THSD7B: variants seen among roughly 807,000 people sequenced by gnomAD.
THSD7B encodes thrombospondin type 1 domain containing 7B.
Under a neutral mutation model 213.6 loss-of-function variants are expected in THSD7B, and 138 were observed. The ratio of observed to expected loss-of-function variants is 0.65; its 90% CI spans 0.56 to 0.74. THSD7B has a LOEUF of 0.74. Among genes scored for constraint, THSD7B ranks in the 30% least tolerant of loss-of-function variants. The pLI, the probability that THSD7B is intolerant of heterozygous loss-of-function variation, is 0.00. For missense variants in THSD7B, 1,931 were observed against 1,991.5 expected (o/e 0.97, Z 0.58); for synonymous variants, 742 against 687.0 (o/e 1.08, Z -1.25).
At chr2:137,247,227 T>C (rs959453586) in intron 10 of THSD7B, among the ~76,000 whole-genome samples, 6 of 152,224 alleles carry the variant, frequency 3.9e-5, no homozygotes, top group Non-Finnish European at 7.3e-5. Flanking sequence ...TAAAGAGCCT[T>C]GCTGCATATT....
At chr2:137,250,818 C>G (rs114533395) in intron 10 of THSD7B, among the ~76,000 whole-genome samples, 1 of 152,208 alleles carries the variant, frequency 6.6e-6, no homozygotes, top group African/African-American at 2.4e-5. Flanking sequence ...TCTGATTTCC[C>G]CTCTGCCTGA....
intron 17 of THSD7B, among the ~76,000 whole-genome samples, chr2:137,581,879 C>G (rs2105246853): frequency 6.6e-6 from 1 of 151,868 alleles, no homozygotes; most frequent in South Asian, 2.1e-4. Flanking sequence ...AGGTGGATCA[C>G]TTGAGGTCAG....
chr2:137,413,330 C>T (rs1686713483), intron 14 of THSD7B, among the ~76,000 whole-genome samples: 2 of 152,092 alleles, frequency 1.3e-5, no homozygotes, highest in African/African-American at 4.8e-5. Flanking sequence ...TTTTATTGAC[C>T]ATCTGCTATG....
intron 15 of THSD7B, among the ~76,000 whole-genome samples, chr2:137,504,791 G>T (rs1679797028): frequency 6.6e-6 from 1 of 152,192 alleles, no homozygotes; most frequent in Non-Finnish European, 1.5e-5. Flanking sequence ...GATCAGGAAA[G>T]CTGCCAAGTA....
At chr2:137,003,594 C>T (rs1686043173) in intron 2 of THSD7B, among the ~76,000 whole-genome samples, 1 of 152,130 alleles carries the variant, frequency 6.6e-6, no homozygotes, top group African/African-American at 2.4e-5. Flanking sequence ...AGAAATGGTT[C>T]CTTCTCTTGT....
intron 14 of THSD7B, among the ~76,000 whole-genome samples, chr2:137,438,297 A>G (rs1285990323): frequency 6.6e-6 from 1 of 152,152 alleles, no homozygotes; most frequent in Non-Finnish European, 1.5e-5. Flanking sequence ...TGCCTTTCTA[A>G]TAGAAACAGC....
rs2602346 is a variant in THSD7B, at chr2:137,286,932, A to C, written c.2500+10906A>C. On this transcript the variant is annotated intron_variant, in intron 12 of 27. Coordinates refer to ENST00000409968, the MANE Select transcript of THSD7B (RefSeq NM_001316349.2). ...CTCATGGACTTGAAGACGAGAGGAC[A>C]TGAACTCTCTGTCCAAATCAACATA... Among the ~76,000 whole-genome samples, 896 of 152,292 alleles carry C rather than the reference A, an allele frequency of 5.9e-3. 9 individuals carry two copies. The highest frequency in any genetic ancestry group is 0.02 in the African/African-American group (812 of 41,578).
intron 5 of THSD7B, among the ~76,000 whole-genome samples, chr2:137,141,707 G>C (rs1161537528): frequency 1.3e-5 from 2 of 151,058 alleles, no homozygotes; most frequent in Admixed American, 6.6e-5. Context: ...GTGTGTGTTT[G>C]TATCTTCCAG....
At chr2:137,455,114 T>C (rs1031029601) in intron 15 of THSD7B, among the ~76,000 whole-genome samples, 5 of 152,158 alleles carry the variant, frequency 3.3e-5, no homozygotes, top group African/African-American at 9.7e-5. Context: ...ATGAGGTCTT[T>C]TTGAGGGCAA....
intron 1 of THSD7B, among the ~76,000 whole-genome samples, chr2:136,825,195 GA>G (rs1160803107): frequency 6.6e-5 from 10 of 152,118 alleles, no homozygotes; most frequent in African/African-American, 2.2e-4. Flanking sequence ...TGACAAAATA[GA>G]AAGGGAAACA....
intron 2 of THSD7B, among the ~76,000 whole-genome samples, chr2:137,055,261 T>A (rs1227058689): frequency 6.6e-6 from 1 of 152,186 alleles, no homozygotes; most frequent in Non-Finnish European, 1.5e-5. Flanking sequence ...TGTGTCTTTA[T>A]AGTAGAATGA....
intron 14 of THSD7B, among the ~76,000 whole-genome samples, chr2:137,421,890 C>T (rs1292005248): frequency 1.3e-5 from 2 of 152,182 alleles, no homozygotes; most frequent in East Asian, 1.9e-4. Context: ...CAATATAAAT[C>T]GTAACACCAC....
intron 2 of THSD7B, among the ~76,000 whole-genome samples, chr2:136,960,815 C>T (rs13034661): frequency 0.41 from 62,282 of 150,812 alleles, 15,079 homozygotes; most frequent in Non-Finnish European, 0.55. Flanking sequence ...CTGGGCCGGG[C>T]GCAGTGGCTC....
intron 6 of THSD7B, 46 bp downstream of exon 6, chr2:137,160,414 A>C (rs997081924): frequency 6.3e-7 from 1 of 1,592,480 alleles, no homozygotes; most frequent in Non-Finnish European, 8.6e-7. Context: ...CAGCGTACAA[A>C]CATTTATTCT....
intron 12 of THSD7B, among the ~76,000 whole-genome samples, chr2:137,330,765 G>A (rs532940597): frequency 2.0e-5 from 3 of 152,182 alleles, no homozygotes; most frequent in African/African-American, 7.2e-5. Context: ...AAGAGCGAAA[G>A]AACAAAGCTT....
At chr2:136,814,251 C>T (rs1487916667) in intron 1 of THSD7B, among the ~76,000 whole-genome samples, 1 of 152,074 alleles carries the variant, frequency 6.6e-6, no homozygotes, top group Non-Finnish European at 1.5e-5. Flanking sequence ...AAAGTAAAAG[C>T]TCTGTTATAC....
intron 12 of THSD7B, among the ~76,000 whole-genome samples, chr2:137,317,645 A>G (rs911122031): frequency 5.3e-5 from 8 of 152,200 alleles, no homozygotes; most frequent in Non-Finnish European, 7.3e-5. Flanking sequence ...TCCTGGCGAT[A>G]TAATTATGCC....
intron 12 of THSD7B, among the ~76,000 whole-genome samples, chr2:137,348,496 A>G (rs1684930188): frequency 6.6e-6 from 1 of 151,678 alleles, no homozygotes; most frequent in African/African-American, 2.4e-5. Flanking sequence ...GTGTGCCAGA[A>G]ATGTCCTTAT....
At chr2:137,262,916 T>C (rs1682486216) in intron 10 of THSD7B, among the ~76,000 whole-genome samples, 1 of 152,136 alleles carries the variant, frequency 6.6e-6, no homozygotes, top group Non-Finnish European at 1.5e-5. Context: ...GCAGCTGGAA[T>C]TAGACACAAT....
Sources: gnomAD v4.1 joint callset for allele counts (sites outside exome capture counted in the v4.1 genomes callset) on GRCh38, gnomAD v4.1.1 for gene constraint, MANE v1.5 for transcripts, NCBI Gene and HGNC (gene_info 2026-07-23, HGNC 2026-07-21) for gene names.